Variants in SNX30 observed in about 807,000 individuals in gnomAD.
SNX30 encodes the protein sorting nexin-30.
A neutral mutation model predicts 46.4 loss-of-function variants in SNX30; 24 were observed. The ratio of observed to expected loss-of-function variants is 0.52; its 90% CI spans 0.37 to 0.73. The LOEUF (loss-of-function observed/expected upper bound fraction) is 0.73, where lower values mean the gene tolerates loss of function less well. Among genes scored for constraint, SNX30 ranks in the 30% least tolerant of loss-of-function variants. The pLI is 0.00. For missense variants in SNX30, 533 were observed against 555.7 expected (o/e 0.96, Z 0.41); for synonymous variants, 189 against 211.5 (o/e 0.89, Z 0.92).
At chr9:112,782,415 A>G (rs1333390525) in intron 1 of SNX30, among the ~76,000 whole-genome samples, 3 of 152,198 alleles carry the variant, frequency 2.0e-5, no homozygotes, top group Non-Finnish European at 2.9e-5. Context: ...CCTACTGTCT[A>G]TAGCTGCCTT....
intron 1 of SNX30, among the ~76,000 whole-genome samples, chr9:112,797,624 T>C (rs1013141202): frequency 1.3e-5 from 2 of 152,012 alleles, no homozygotes; most frequent in East Asian, 3.8e-4. Flanking sequence ...TATCTTTTTG[T>C]ATCTTGTTTT....
intron 1 of SNX30, among the ~76,000 whole-genome samples, chr9:112,752,389 G>A (rs1049359344): frequency 6.6e-6 from 1 of 152,208 alleles, no homozygotes; most frequent in Middle Eastern, 3.2e-3. Context: ...GCTGAAGTGG[G>A]ATGATTGCTC....
intron 2 of SNX30, among the ~76,000 whole-genome samples, chr9:112,810,490 A>G (rs1840302966): frequency 6.6e-6 from 1 of 152,196 alleles, no homozygotes; most frequent in Non-Finnish European, 1.5e-5. Context: ...GGAAGGAAGT[A>G]AAGACATGAA....
At chr9:112,774,825 G>A (rs1839713029) in intron 1 of SNX30, among the ~76,000 whole-genome samples, 2 of 147,234 alleles carry the variant, frequency 1.4e-5, no homozygotes, top group Non-Finnish European at 1.5e-5. Flanking sequence ...ATATATATAT[G>A]TTCTGAGTTA....
At chr9:112,755,294 TC>T (rs1177779978) in intron 1 of SNX30, among the ~76,000 whole-genome samples, 3 of 152,070 alleles carry the variant, frequency 2.0e-5, no homozygotes, top group African/African-American at 7.2e-5. Context: ...AAGAAGACTG[TC>T]CGGGGAGGGA....
rs150910430 is a variant in SNX30, at chr9:112,808,660, A to G, written c.348+3693A>G. On this transcript the variant is annotated intron_variant, in intron 2 of 8. Transcript: ENST00000374232. Reference sequence around the variant, plus strand: ...TAAGCTAAAACACTAAAGAATGCCTATACGCTCACCAGCCAGAAATAATTG... The same window carrying G: ...TAAGCTAAAACACTAAAGAATGCCTGTACGCTCACCAGCCAGAAATAATTG... Among the ~76,000 whole-genome samples, 185 of 152,346 alleles carry G rather than the reference A, an allele frequency of 1.2e-3. 1 individual carries two copies. The highest frequency in any genetic ancestry group is 3.4e-3 in the Middle Eastern group (1 of 294).
chr9:112,836,884 T>A (rs1198873732), intron 5 of SNX30, among the ~76,000 whole-genome samples: 11 of 152,214 alleles, frequency 7.2e-5, no homozygotes, highest in Admixed American at 7.2e-4. Flanking sequence ...TGGTTCATTT[T>A]AAACCCACTC....
At chr9:112,761,496 C>T (rs1839435680) in intron 1 of SNX30, among the ~76,000 whole-genome samples, 1 of 152,012 alleles carries the variant, frequency 6.6e-6, no homozygotes, top group African/African-American at 2.4e-5. Context: ...GATGTGTGAT[C>T]AGGGCTTGGG....
downstream of SNX30, among the ~76,000 whole-genome samples, chr9:112,876,478 C>T (rs1841518679): frequency 6.6e-6 from 1 of 151,994 alleles, no homozygotes; most frequent in South Asian, 2.1e-4. Context: ...ATGGAATGAG[C>T]TTAGGTGGTG....
At chr9:112,867,153 C>T (rs1180198280) in intron 8 of SNX30, among the ~76,000 whole-genome samples, 1 of 143,536 alleles carries the variant, frequency 7.0e-6, no homozygotes, top group Non-Finnish European at 1.5e-5. Flanking sequence ...CTCCTCCTAC[C>T]TCAGGATTCC....
At chr9:112,777,819 T>G (rs186982171) in intron 1 of SNX30, among the ~76,000 whole-genome samples, 1 of 152,244 alleles carries the variant, frequency 6.6e-6, no homozygotes, top group East Asian at 1.9e-4. Flanking sequence ...ACGCATTGTA[T>G]CATACCCAAT....
rs192780685 is a variant in SNX30 at position 112,813,532 on chromosome 9, G to A, written c.349-4173G>A. Reference sequence around the variant, plus strand: ...CGCCCAGGCTGGAGTGCAGTGGCGCGATCTTGGCTCAGTGTAACCTCTGCC... The same window carrying A: ...CGCCCAGGCTGGAGTGCAGTGGCGCAATCTTGGCTCAGTGTAACCTCTGCC... On this transcript the variant is annotated intron_variant, in intron 2 of 8. Coordinates refer to ENST00000374232, the MANE Select transcript of SNX30 (RefSeq NM_001012994.2). Among the ~76,000 whole-genome samples, 188 of 150,004 alleles carry A rather than the reference G, an allele frequency of 1.3e-3. 1 individual carries two copies. The highest frequency in any genetic ancestry group is 4.3e-3 in the African/African-American group (174 of 40,776).
intron 1 of SNX30, among the ~76,000 whole-genome samples, chr9:112,768,602 C>T (rs1255440804): frequency 1.0e-5 from 1 of 100,448 alleles, no homozygotes; most frequent in Non-Finnish European, 2.1e-5. Context: ...GCCCAGGGAG[C>T]AGTATTTTTT....
intron 1 of SNX30, among the ~76,000 whole-genome samples, chr9:112,762,724 C>G (rs990072202): frequency 6.6e-6 from 1 of 152,166 alleles, no homozygotes; most frequent in Non-Finnish European, 1.5e-5. Flanking sequence ...GCCCATAGTT[C>G]GCTTGAGAGC....
intron 7 of SNX30, among the ~76,000 whole-genome samples, chr9:112,859,178 T>C (rs1482838161): frequency 6.6e-6 from 1 of 152,116 alleles, no homozygotes; most frequent in Non-Finnish European, 1.5e-5. Context: ...TAGAATAATA[T>C]AATATTTATC....
chr9:112,795,764 G>GTCTC (rs138429863), intron 1 of SNX30, among the ~76,000 whole-genome samples: 2 of 93,680 alleles, frequency 2.1e-5, no homozygotes, highest in Middle Eastern at 4.8e-3. Context: ...TCACAGTACA[G>GTCTC]TCACACACAC....
chr9:112,796,808 C>T (rs535217530), intron 1 of SNX30, among the ~76,000 whole-genome samples: 17 of 152,262 alleles, frequency 1.1e-4, no homozygotes, highest in African/African-American at 3.4e-4. Flanking sequence ...CTTCACTCCG[C>T]CGTGTCCCAT....
chr9:112,815,461 A>G (rs914498909), intron 2 of SNX30, among the ~76,000 whole-genome samples: 6 of 151,856 alleles, frequency 4.0e-5, no homozygotes, highest in South Asian at 2.1e-4. Flanking sequence ...CTGGGGTTCA[A>G]GCAATTCTTA....
chr9:112,854,031 C>A (rs1483776905), intron 7 of SNX30, among the ~76,000 whole-genome samples: 2 of 152,240 alleles, frequency 1.3e-5, no homozygotes, highest in Non-Finnish European at 2.9e-5. Context: ...GTATGTAGTT[C>A]TGTAAATAGC....
Sources: allele counts gnomAD v4.1 joint callset (sites outside exome capture counted in the v4.1 genomes callset), GRCh38; gene constraint gnomAD v4.1.1; transcripts MANE v1.5; gene names NCBI Gene and HGNC (gene_info 2026-07-23, HGNC 2026-07-21).